Variants in CDKAL1 observed in about 807,000 individuals in gnomAD.
CDKAL1 encodes the protein CDKAL1 threonylcarbamoyladenosine tRNA methylthiotransferase, also known as threonylcarbamoyladenosine tRNA methylthiotransferase.
In CDKAL1, 32 loss-of-function variants were observed where a neutral mutation model predicts 68.2. That is an observed-to-expected ratio of 0.47 (90% CI 0.35 to 0.63). CDKAL1 has a LOEUF of 0.63. CDKAL1 is among the 30% of genes least tolerant of loss of function. The probability of loss-of-function intolerance (pLI) is 0.00; values close to 1 mark genes in which losing one functional copy is unlikely to be tolerated. For missense variants in CDKAL1, 606 were observed against 696.7 expected (o/e 0.87, Z 1.47); for synonymous variants, 234 against 244.3 (o/e 0.96, Z 0.39).
intron 9 of CDKAL1, among the ~76,000 whole-genome samples, chr6:20,921,164 C>T (rs906855139): frequency 6.6e-6 from 1 of 152,220 alleles, no homozygotes; most frequent in African/African-American, 2.4e-5. Context: ...GGCACGGTGG[C>T]TCATGCCTGT....
intron 8 of CDKAL1, among the ~76,000 whole-genome samples, chr6:20,833,722 T>C (rs1212137172): frequency 2.0e-5 from 3 of 152,210 alleles, no homozygotes; most frequent in Non-Finnish European, 4.4e-5. Flanking sequence ...GAAGTTAATT[T>C]CTTAGCATAT....
chr6:20,892,301 G>A (rs1761451082), intron 9 of CDKAL1, among the ~76,000 whole-genome samples: 1 of 152,130 alleles, frequency 6.6e-6, no homozygotes, highest in South Asian at 2.1e-4. Flanking sequence ...ACTTAAAAGA[G>A]AATTGAAATA....
intron 4 of CDKAL1, among the ~76,000 whole-genome samples, chr6:20,633,030 C>G (rs1767742649): frequency 6.6e-6 from 1 of 152,144 alleles, no homozygotes; most frequent in Non-Finnish European, 1.5e-5. Flanking sequence ...CAGCTTACCT[C>G]TAGGTTTTTG....
At chr6:20,605,076 A>G (rs1009089595) in intron 4 of CDKAL1, among the ~76,000 whole-genome samples, 15 of 152,328 alleles carry the variant, frequency 9.8e-5, no homozygotes, top group African/African-American at 3.4e-4. Flanking sequence ...TAATTTAGTC[A>G]CTGGAGTAAT....
chr6:20,554,407 G>C (rs1763955360), intron 4 of CDKAL1, among the ~76,000 whole-genome samples: 1 of 152,128 alleles, frequency 6.6e-6, no homozygotes, highest in Non-Finnish European at 1.5e-5. Context: ...ATTTCTTTGG[G>C]AGATGTTGGT....
At chr6:20,608,116 A>C (rs1446334231) in intron 4 of CDKAL1, among the ~76,000 whole-genome samples, 1 of 152,222 alleles carries the variant, frequency 6.6e-6, no homozygotes, top group Admixed American at 6.5e-5. Flanking sequence ...ATTTGGGTAC[A>C]TAGAAGTTTA....
chr6:20,537,862 A>C (rs561915298), intron 2 of CDKAL1, among the ~76,000 whole-genome samples: 2 of 139,688 alleles, frequency 1.4e-5, no homozygotes, highest in Non-Finnish European at 3.0e-5. Context: ...ATTTAATTAA[A>C]AATTTCTGAA....
intron 5 of CDKAL1, among the ~76,000 whole-genome samples, chr6:20,736,096 C>T (rs1345728556): frequency 6.6e-6 from 1 of 151,956 alleles, no homozygotes; most frequent in Non-Finnish European, 1.5e-5. Context: ...TCCCAGTGCT[C>T]AGCTCTGACA....
At chr6:20,560,844 G>A (rs1445402025) in intron 4 of CDKAL1, among the ~76,000 whole-genome samples, 4 of 152,014 alleles carry the variant, frequency 2.6e-5, no homozygotes, top group East Asian at 3.9e-4. Flanking sequence ...AAAGTGTTAC[G>A]TATGCTAATC....
chr6:20,778,621 G>A (rs1581562225), intron 7 of CDKAL1, among the ~76,000 whole-genome samples: 1 of 152,146 alleles, frequency 6.6e-6, no homozygotes, highest in East Asian at 1.9e-4. Context: ...TGTGTATGTA[G>A]TTCCAGTCTG....
intron 4 of CDKAL1, among the ~76,000 whole-genome samples, chr6:20,620,334 A>G (rs1767122840): frequency 6.6e-6 from 1 of 152,242 alleles, no homozygotes; most frequent in Admixed American, 6.5e-5. Context: ...ATTTAGAATT[A>G]TTGAAAATAG....
intron 13 of CDKAL1, among the ~76,000 whole-genome samples, chr6:21,167,389 C>A (rs1777194760): frequency 6.6e-6 from 1 of 152,176 alleles, no homozygotes; most frequent in Non-Finnish European, 1.5e-5. Context: ...TATGGCAGGA[C>A]TGTTTTATAA....
intron 5 of CDKAL1, among the ~76,000 whole-genome samples, chr6:20,679,605 G>T (rs1036268539): frequency 6.6e-6 from 1 of 152,136 alleles, no homozygotes; most frequent in African/African-American, 2.4e-5. Flanking sequence ...ATGGATTCTT[G>T]TGTGTTAAAA....
chr6:21,190,827 A>AT (rs1778208065), intron 13 of CDKAL1, among the ~76,000 whole-genome samples: 1 of 152,174 alleles, frequency 6.6e-6, no homozygotes. Flanking sequence ...TCCTTTGTGA[A>AT]TTTTTTGTTA....
intron 8 of CDKAL1, among the ~76,000 whole-genome samples, chr6:20,798,342 T>C (rs1250623550): frequency 6.6e-6 from 1 of 152,092 alleles, no homozygotes; most frequent in Non-Finnish European, 1.5e-5. Flanking sequence ...CTGTACACCT[T>C]CCAGAAAATG....
intron 9 of CDKAL1, among the ~76,000 whole-genome samples, chr6:20,879,733 C>T (rs1353753475): frequency 6.6e-6 from 1 of 152,200 alleles, no homozygotes; most frequent in Non-Finnish European, 1.5e-5. Context: ...AAAATTATCC[C>T]TGATTCCCAC....
chr6:20,994,343 G>A (rs578031395), intron 10 of CDKAL1, among the ~76,000 whole-genome samples: 1 of 152,284 alleles, frequency 6.6e-6, no homozygotes, highest in South Asian at 2.1e-4. Context: ...GCCAGGTACG[G>A]TGGCAGGCAC....
At chr6:20,679,184 T>A (rs975334895) in intron 5 of CDKAL1, among the ~76,000 whole-genome samples, 2 of 152,248 alleles carry the variant, frequency 1.3e-5, no homozygotes, top group Admixed American at 6.5e-5. Flanking sequence ...CCCAAAGTGT[T>A]GGGATTATAG....
At chr6:20,894,387 C>T (rs1254303655) in intron 9 of CDKAL1, among the ~76,000 whole-genome samples, 1 of 115,444 alleles carries the variant, frequency 8.7e-6, no homozygotes, top group Non-Finnish European at 1.8e-5. Context: ...CTACACCCCA[C>T]ATACTTTTTT....
Sources: allele counts gnomAD v4.1 joint callset (sites outside exome capture counted in the v4.1 genomes callset), GRCh38; gene constraint gnomAD v4.1.1; transcripts MANE v1.5; gene names NCBI Gene and HGNC (gene_info 2026-07-23, HGNC 2026-07-21).